Variants in CCDC178 observed in about 807,000 individuals in gnomAD.
The protein encoded by CCDC178 is coiled-coil domain containing 178, also known as coiled-coil domain-containing protein 178.
In CCDC178, 126 loss-of-function variants were observed where a neutral mutation model predicts 117.4. That is an observed-to-expected ratio of 1.07 (90% CI 0.93 to 1.24). The LOEUF (loss-of-function observed/expected upper bound fraction) is 1.24, where lower values mean the gene tolerates loss of function less well. Among genes scored for constraint, CCDC178 ranks in the 50% most tolerant of loss-of-function variants. CCDC178 has a pLI of 0.00. For synonymous variants in CCDC178, 283 were observed against 313.4 expected, an observed-to-expected ratio of 0.90 and a Z score of 1.02; for missense variants, 1,030 against 986.9, an observed-to-expected ratio of 1.04 and a Z score of -0.59.
chr18:33,181,002 T>C (rs2062267), intron 20 of CCDC178, among the ~76,000 whole-genome samples: 5,400 of 152,084 alleles, frequency 0.036, 143 homozygotes, highest in Admixed American at 0.052. Context: ...GACTTTTTTT[T>C]TCTAAAGGCA....
chr18:33,216,785 G>T (rs780816814), intron 18 of CCDC178, among the ~76,000 whole-genome samples: 5 of 151,982 alleles, frequency 3.3e-5, no homozygotes, highest in African/African-American at 9.6e-5. Context: ...ATAAATAAAA[G>T]GATTTTTTCT....
At chr18:33,322,437 T>A (rs1398581300) in intron 11 of CCDC178, among the ~76,000 whole-genome samples, 1 of 151,834 alleles carries the variant, frequency 6.6e-6, no homozygotes, top group Non-Finnish European at 1.5e-5. Flanking sequence ...AAAGAATGAA[T>A]GTTATTCTCA....
chr18:33,236,360 G>C (rs921672348), intron 15 of CCDC178, among the ~76,000 whole-genome samples: 1 of 152,066 alleles, frequency 6.6e-6, no homozygotes, highest in Non-Finnish European at 1.5e-5. Flanking sequence ...AATTATCTAA[G>C]GAAAATCTAG....
chr18:33,195,938 T>A lies in CCDC178; in HGVS notation c.2238+15958A>T, dbSNP rs80017256. Among the ~76,000 whole-genome samples the A allele has an allele frequency of 4.8e-3, 728 of 152,308 alleles. 6 individuals are homozygous for A. Among genetic ancestry groups the A allele is most frequent in the African/African-American group, 0.017 (699 of 41,560 alleles). On this transcript the variant is annotated intron_variant, in intron 20 of 22. Coordinates refer to ENST00000383096, the MANE Select transcript of CCDC178 (RefSeq NM_001105528.4). The stretch of plus-strand genomic sequence containing the variant: ...AGTAATGTCTGGTTTCTTGAGTAAT[T>A]ATTTGTGTAGAGTTGAATTACCTAA...
chr18:33,133,305 T>C (rs1006024773), intron 20 of CCDC178, among the ~76,000 whole-genome samples: 2 of 151,898 alleles, frequency 1.3e-5, no homozygotes, highest in Admixed American at 6.6e-5. Flanking sequence ...AATCTTTTAA[T>C]AGAATTTTTA....
chr18:33,241,591 T>C (rs1029413409), intron 15 of CCDC178, among the ~76,000 whole-genome samples: 2 of 150,852 alleles, frequency 1.3e-5, no homozygotes, highest in Non-Finnish European at 3.0e-5. Flanking sequence ...CTGAAAAAAA[T>C]AAGATGGCCA....
intron 14 of CCDC178, among the ~76,000 whole-genome samples, chr18:33,264,289 T>C (rs904274360): frequency 1.3e-5 from 2 of 152,064 alleles, no homozygotes; most frequent in Non-Finnish European, 2.9e-5. Context: ...AGTTACCAGT[T>C]AGAAACAAGA....
chr18:33,203,313 A>G (rs550777684), intron 20 of CCDC178, among the ~76,000 whole-genome samples: 9 of 152,246 alleles, frequency 5.9e-5, no homozygotes, highest in African/African-American at 2.2e-4. Context: ...CCAATGAGTC[A>G]TCTGCCTTTT....
At chr18:33,301,959 TC>T (rs1001525162) in intron 11 of CCDC178, among the ~76,000 whole-genome samples, 5 of 152,124 alleles carry the variant, frequency 3.3e-5, no homozygotes, top group African/African-American at 9.7e-5. Flanking sequence ...TAAATGTTTG[TC>T]CCCTCCAAAT....
intron 14 of CCDC178, among the ~76,000 whole-genome samples, chr18:33,248,926 C>CTGT (rs1366462535): frequency 6.6e-6 from 1 of 152,058 alleles, no homozygotes; most frequent in African/African-American, 2.4e-5. Context: ...TCCCCAGCAC[C>CTGT]TGTTGTTTCT....
intron 12 of CCDC178, among the ~76,000 whole-genome samples, chr18:33,279,769 A>G (rs2059997748): frequency 6.6e-6 from 1 of 152,176 alleles, no homozygotes; most frequent in Non-Finnish European, 1.5e-5. Flanking sequence ...GATCAATGGA[A>G]CAGAACAGAG....
intron 20 of CCDC178, among the ~76,000 whole-genome samples, chr18:33,182,642 T>C (rs1568039250): frequency 1.3e-5 from 2 of 152,004 alleles, no homozygotes; most frequent in Admixed American, 6.6e-5. Context: ...AATGTATGCA[T>C]AGTCTCTCAC....
At chr18:33,092,205 T>C (rs937175919) in intron 21 of CCDC178, among the ~76,000 whole-genome samples, 4 of 152,206 alleles carry the variant, frequency 2.6e-5, no homozygotes, top group South Asian at 2.1e-4. Flanking sequence ...ACTCTAGTAA[T>C]AGAACTTTTT....
chr18:33,212,278 G>C (rs1192312734), intron 19 of CCDC178, among the ~76,000 whole-genome samples: 2 of 151,836 alleles, frequency 1.3e-5, no homozygotes, highest in Admixed American at 1.3e-4. Context: ...TATTCTCTTG[G>C]TTGCCTATCC....
intron 20 of CCDC178, among the ~76,000 whole-genome samples, chr18:33,146,129 T>C (rs979783818): frequency 6.6e-6 from 1 of 152,214 alleles, no homozygotes; most frequent in East Asian, 1.9e-4. Flanking sequence ...TATTTGATAA[T>C]GCTACTGCCT....
chr18:33,061,443 A>C (rs1354622006), intron 21 of CCDC178, among the ~76,000 whole-genome samples: 1 of 152,182 alleles, frequency 6.6e-6, no homozygotes, highest in Non-Finnish European at 1.5e-5. Flanking sequence ...CTACTTGAGT[A>C]TATTTTGATG....
intron 2 of CCDC178, among the ~76,000 whole-genome samples, chr18:33,421,481 G>C (rs561695080): frequency 2.0e-5 from 3 of 152,292 alleles, no homozygotes; most frequent in Non-Finnish European, 4.4e-5. Flanking sequence ...TTGTGGTTTT[G>C]TTGGTAGCTC....
chr18:33,060,772 A>C (rs1598840349), intron 21 of CCDC178, among the ~76,000 whole-genome samples: 1 of 152,090 alleles, frequency 6.6e-6, no homozygotes, highest in East Asian at 1.9e-4. Context: ...GTTTTAGAAA[A>C]ATGGAATATT....
rs933811140 is a variant in CCDC178, at chr18:33,244,478, C to A, written c.1593+767G>T. Among the ~76,000 whole-genome samples, 6 of 151,926 alleles carry A rather than the reference C, an allele frequency of 3.9e-5. No individual in the cohort carries two copies. The East Asian group carries it at 1.2e-3, about 30-fold the overall frequency. On this transcript the variant is annotated intron_variant, in intron 15 of 22. Transcript: ENST00000383096. ...TAATTGAATCATGAGGCATTTCCCC[C>A]ATGCTATTCTCATGATAGTGAGTAA...
Sources: gnomAD v4.1 joint callset for allele counts (sites outside exome capture counted in the v4.1 genomes callset) on GRCh38, gnomAD v4.1.1 for gene constraint, MANE v1.5 for transcripts, NCBI Gene and HGNC (gene_info 2026-07-23, HGNC 2026-07-21) for gene names.